PTPRA: variants seen among roughly 807,000 people sequenced by gnomAD.
PTPRA encodes protein tyrosine phosphatase receptor type A, also known as receptor-type tyrosine-protein phosphatase alpha.
PTPRA carries 25 observed loss-of-function variants against 104.8 expected under a neutral mutation model. The ratio of observed to expected loss-of-function variants is 0.24; its 90% CI spans 0.17 to 0.33. The LOEUF (loss-of-function observed/expected upper bound fraction) is 0.33, where lower values mean the gene tolerates loss of function less well. Ranked by LOEUF, PTPRA falls within the 10% of genes least tolerant of loss-of-function variation. The pLI is 1.00. For synonymous variants in PTPRA, 323 were observed against 368.9 expected, an observed-to-expected ratio of 0.88 and a Z score of 1.43; for missense variants, 765 against 1,015.3, an observed-to-expected ratio of 0.75 and a Z score of 3.35.
At chr20:3,025,412 C>T (rs1016060629) in intron 17 of PTPRA, among the ~76,000 whole-genome samples, 3 of 147,634 alleles carry the variant, frequency 2.0e-5, no homozygotes, top group Non-Finnish European at 4.4e-5. Context: ...GAAATCATGC[C>T]ACTGCACTCC....
chr20:2,869,888 T>TA (rs2089407228), upstream of PTPRA, among the ~76,000 whole-genome samples: 1 of 145,038 alleles, frequency 6.9e-6, no homozygotes, highest in Non-Finnish European at 1.5e-5. Context: ...AATCGCTTGA[T>TA]TGCTTGAACC....
chr20:2,922,787 A>T (rs1294206417), intron 1 of PTPRA, among the ~76,000 whole-genome samples: 1 of 151,712 alleles, frequency 6.6e-6, no homozygotes, highest in Non-Finnish European at 1.5e-5. Context: ...GATGCGTGCC[A>T]CCATGCCCAG....
intron 1 of PTPRA, among the ~76,000 whole-genome samples, chr20:2,885,592 A>G (rs2090332968): frequency 6.6e-6 from 1 of 152,206 alleles, no homozygotes; most frequent in African/African-American, 2.4e-5. Context: ...TCATTCATGA[A>G]ATAGTCTTGC....
chr20:2,875,157 A>T (rs2146736258), intron 1 of PTPRA, among the ~76,000 whole-genome samples: 1 of 152,098 alleles, frequency 6.6e-6, no homozygotes, highest in African/African-American at 2.4e-5. Flanking sequence ...ACTTCCCAAG[A>T]GATTTTTTCG....
chr20:2,873,371 C>T (rs1368441194), upstream of PTPRA: 1 of 152,260 alleles, frequency 6.6e-6, no homozygotes, highest in Non-Finnish European at 1.5e-5. This position sits in a 1 kb window ranked among gnomAD's most constrained non-coding sequence, Gnocchi z 4.4. Context: ...AGTGAGCGCC[C>T]AGCGGAGCGC....
At chr20:3,010,897 CA>C (rs2064141116) in intron 11 of PTPRA, among the ~76,000 whole-genome samples, 1 of 152,140 alleles carries the variant, frequency 6.6e-6, no homozygotes, top group East Asian at 1.9e-4. Context: ...GGTTAATGTC[CA>C]AACAAAATTG....
At position 3,018,958 on chromosome 20, in the gene PTPRA, G is replaced by A. The variant is rs865830590; in HGVS notation, c.1041+1045G>A. 3.2e-3 allele frequency among the ~76,000 whole-genome samples: 416 copies of A among 131,160 alleles called. 8 individuals carry two copies. The highest frequency in any genetic ancestry group is 0.011 in the African/African-American group (365 of 33,510). 86.0% of individuals were successfully genotyped at this position (131,160 alleles called of 152,430 possible). ...CAGAGGCGCCCCTCACCTCCCGGACGGGGCGGCTGGCCGGGCAGGGGGCTG... is the reference window on the plus strand; with the variant it reads ...CAGAGGCGCCCCTCACCTCCCGGACAGGGCGGCTGGCCGGGCAGGGGGCTG... On this transcript the variant is annotated intron_variant, in intron 13 of 23. Coordinates refer to ENST00000399903, the MANE Select transcript of PTPRA (RefSeq NM_001385305.1).
chr20:2,883,369 C>T lies in PTPRA; in HGVS notation c.-129+9609C>T, dbSNP rs1309038837. The stretch of plus-strand genomic sequence containing the variant: ...ACTTCTTTTCTTAGAAAGAAATGTG[C>T]AGGCCGGGCGCGGTGGCTCACGCCT... On this transcript the variant is annotated intron_variant, in intron 1 of 23. Coordinates refer to ENST00000399903, the MANE Select transcript of PTPRA (RefSeq NM_001385305.1). Among the ~76,000 whole-genome samples the T allele has an allele frequency of 8.4e-5, 7 of 83,642 alleles. 3 individuals carry two copies. The highest frequency in any genetic ancestry group is 1.4e-4 in the Non-Finnish European group (7 of 49,542). The allele number at this position is 83,642 out of a possible 152,430, so 54.9% of individuals were successfully genotyped here. A position where few individuals can be genotyped will look rare whatever the true frequency, so the allele number is the denominator to read the frequency against.
At position 3,022,971 on chromosome 20, in the gene PTPRA, A is replaced by G. The variant is rs765948867; in HGVS notation, c.1464+147A>G. 1 of 1,333,260 alleles carries G rather than the reference A, an allele frequency of 7.5e-7. No homozygotes were observed. The highest frequency in any genetic ancestry group is 1.0e-6 in the Non-Finnish European group (1 of 987,488). The allele number at this position is 1,333,260 out of a possible 1,614,324, so 82.6% of individuals were successfully genotyped here. On this transcript the variant is annotated intron_variant, in intron 16 of 23. Coordinates refer to ENST00000399903, the MANE Select transcript of PTPRA (RefSeq NM_001385305.1). The surrounding 1 kb of genome is among the most constrained non-coding windows in gnomAD (Gnocchi z 4.6). ...GGAAAGAAAGATAGATCACACTGTT[A>G]CCGTGTCTATGTAGAAAAAGGAAGA...
intron 9 of PTPRA, among the ~76,000 whole-genome samples, chr20:2,996,454 A>G (rs897469953): frequency 1.3e-5 from 2 of 152,342 alleles, no homozygotes; most frequent in East Asian, 1.9e-4. Context: ...AGTAACCATC[A>G]GATGGGGAAG....
chr20:2,975,329 G>T, intron 6 of PTPRA, 88 bp downstream of exon 6: 1 of 1,181,902 alleles, frequency 8.5e-7, no homozygotes, highest in Non-Finnish European at 1.2e-6. Flanking sequence ...TGGTAACCGT[G>T]TGCATCTGTG....
upstream of PTPRA, among the ~76,000 whole-genome samples, chr20:2,869,101 CA>C (rs2089398046): frequency 6.6e-6 from 1 of 152,176 alleles, no homozygotes; most frequent in Non-Finnish European, 1.5e-5. Flanking sequence ...TAAAAACTTT[CA>C]AACATACAGC....
chr20:2,975,325 C>G, intron 6 of PTPRA, 84 bp downstream of exon 6: 1 of 1,216,210 alleles, frequency 8.2e-7, no homozygotes, highest in Non-Finnish European at 1.1e-6. Flanking sequence ...TCTGTGGTAA[C>G]CGTGTGCATC....
At chr20:2,928,640 G>A (rs547023331) in intron 2 of PTPRA, among the ~76,000 whole-genome samples, 1 of 151,982 alleles carries the variant, frequency 6.6e-6, no homozygotes, top group African/African-American at 2.4e-5. Flanking sequence ...TACTTGGTGG[G>A]CCCCTTAATA....
intron 19 of PTPRA, 49 bp downstream of exon 19, chr20:3,027,246 A>G (rs1270897813): frequency 6.4e-7 from 1 of 1,564,940 alleles, no homozygotes; most frequent in Non-Finnish European, 8.8e-7. Context: ...GTGGAGATTC[A>G]GCCAGCACTT....
In PTPRA at chr20:3,022,229, G is replaced by A. The variant is rs1302411525; in HGVS notation, c.1328+9G>A. 2 of 1,613,670 alleles carry A rather than the reference G, an allele frequency of 1.2e-6. No homozygotes were observed. Among genetic ancestry groups the A allele is most frequent in the East Asian group, 2.2e-5 (1 of 44,876 alleles). ...ATCGTGGTCCACTGCAGGTCAGTGTGGCCTGACCCTTGTACCCCCACCCCC... is the reference window on the plus strand; with the variant it reads ...ATCGTGGTCCACTGCAGGTCAGTGTAGCCTGACCCTTGTACCCCCACCCCC... On this transcript the variant is annotated intron_variant, in intron 15 of 23. Transcript: ENST00000399903. The surrounding 1 kb of genome is among the most constrained non-coding windows in gnomAD (Gnocchi z 4.6).
At chr20:3,036,309 G>A (rs1362202434) in intron 22 of PTPRA, among the ~76,000 whole-genome samples, 1 of 152,212 alleles carries the variant, frequency 6.6e-6, no homozygotes, top group African/African-American at 2.4e-5. Flanking sequence ...AAAGAGGTTT[G>A]TTTGAGGGGA....
chr20:2,965,823 G>A (rs929071360), intron 5 of PTPRA, among the ~76,000 whole-genome samples: 3 of 152,166 alleles, frequency 2.0e-5, no homozygotes, highest in African/African-American at 7.2e-5. Flanking sequence ...GTCCCAAGGA[G>A]AAAATCAGAG....
At chr20:2,893,378 A>T (rs933472315) in intron 1 of PTPRA, among the ~76,000 whole-genome samples, 1 of 152,230 alleles carries the variant, frequency 6.6e-6, no homozygotes, top group Non-Finnish European at 1.5e-5. Context: ...CAAGAATACC[A>T]TGTGTCCCTC....
Sources: allele counts gnomAD v4.1 joint callset (sites outside exome capture counted in the v4.1 genomes callset), GRCh38; gene constraint gnomAD v4.1.1; non-coding constraint Gnocchi (gnomAD v3.1); transcripts MANE v1.5; gene names NCBI Gene and HGNC (gene_info 2026-07-23, HGNC 2026-07-21).